Variants in COL21A1 observed in about 807,000 individuals in gnomAD.
COL21A1 encodes collagen alpha-1(XXI) chain.
Under a neutral mutation model 137.9 loss-of-function variants are expected in COL21A1, and 149 were observed. The observed-to-expected ratio is 1.08, with a 90% confidence interval of 0.95 to 1.24. COL21A1 has a LOEUF of 1.24. Among genes scored for constraint, COL21A1 ranks in the 50% most tolerant of loss-of-function variants. COL21A1 has a pLI of 0.00. For missense variants in COL21A1, 1,167 were observed against 1,158.4 expected, an observed-to-expected ratio of 1.01 and a Z score of -0.11; for synonymous variants, 456 against 391.5, an observed-to-expected ratio of 1.16 and a Z score of -1.95.
chr6:56,109,605 G>A (rs756114907), intron 16 of COL21A1, among the ~76,000 whole-genome samples: 3 of 151,872 alleles, frequency 2.0e-5, no homozygotes, highest in Non-Finnish European at 2.9e-5. Flanking sequence ...GGAAGAGTAG[G>A]AAATATTCTG....
chr6:56,351,870 A>T (rs1239505562), intron 1 of COL21A1, among the ~76,000 whole-genome samples: 1 of 152,250 alleles, frequency 6.6e-6, no homozygotes, highest in African/African-American at 2.4e-5. Flanking sequence ...ACAACATGAT[A>T]TGTTAAATGT....
At position 56,088,551 on chromosome 6, in the gene COL21A1, T is replaced by C. The variant is rs371104652; in HGVS notation, c.1813-10978A>G. Among the ~76,000 whole-genome samples, 55 of 152,290 alleles carry C rather than the reference T, an allele frequency of 3.6e-4. 1 individual carries two copies. The highest frequency in any genetic ancestry group is 2.9e-3 in the South Asian group (14 of 4,826). The stretch of plus-strand genomic sequence containing the variant: ...ACAGTTTCACAAATTTCCTTTTCTT[T>C]TTTTTACAATGGTCCTTACACTGTA... On this transcript the variant is annotated intron_variant, in intron 17 of 29. Coordinates refer to ENST00000244728, the MANE Select transcript of COL21A1 (RefSeq NM_030820.4).
chr6:56,169,078 TG>T (rs1019700335), intron 5 of COL21A1, among the ~76,000 whole-genome samples: 46 of 152,202 alleles, frequency 3.0e-4, no homozygotes, highest in African/African-American at 1.1e-3. Flanking sequence ...TTCTTTGAGT[TG>T]CAGTAACTAA....
chr6:56,089,668 A>T (rs1768606491), intron 17 of COL21A1, among the ~76,000 whole-genome samples: 1 of 152,194 alleles, frequency 6.6e-6, no homozygotes, highest in South Asian at 2.1e-4. Flanking sequence ...GTTTCCTCTC[A>T]TCCATTCTCT....
At chr6:56,067,418 A>G in intron 22 of COL21A1, 88 bp from the exon 23 acceptor site, 2 of 1,235,842 alleles carry the variant, frequency 1.6e-6, no homozygotes, top group Non-Finnish European at 2.3e-6. Flanking sequence ...CTGAAGAAAA[A>G]CAACATCTCG....
intron 1 of COL21A1, among the ~76,000 whole-genome samples, chr6:56,303,717 C>T (rs1582767538): frequency 6.6e-6 from 1 of 152,132 alleles, no homozygotes; most frequent in Non-Finnish European, 1.5e-5. Flanking sequence ...ATTGAATACC[C>T]TTTATTTCCT....
At chr6:56,205,249 C>A (rs781593216) in intron 1 of COL21A1, among the ~76,000 whole-genome samples, 1 of 152,004 alleles carries the variant, frequency 6.6e-6, no homozygotes, top group Non-Finnish European at 1.5e-5. Context: ...AAAGGTTAGA[C>A]AAATTGATAA....
At chr6:56,156,134 A>T (rs776989116) in intron 10 of COL21A1, among the ~76,000 whole-genome samples, 1 of 152,226 alleles carries the variant, frequency 6.6e-6, no homozygotes, top group Non-Finnish European at 1.5e-5. Flanking sequence ...GCTTCCACAG[A>T]TGTGCAGAGA....
At chr6:56,069,578 ATT>A (rs1766557457) in intron 21 of COL21A1, among the ~76,000 whole-genome samples, 1 of 150,386 alleles carries the variant, frequency 6.6e-6, no homozygotes, top group African/African-American at 2.4e-5. Flanking sequence ...ATAACCCAAT[ATT>A]TTTATTTTGT....
chr6:56,356,086 T>C (rs1765821561), intron 1 of COL21A1, among the ~76,000 whole-genome samples: 1 of 152,204 alleles, frequency 6.6e-6, no homozygotes, highest in East Asian at 1.9e-4. Context: ...CTGTCATTCA[T>C]TTGTAACCAA....
chr6:56,360,856 T>G (rs1312817911), intron 1 of COL21A1, among the ~76,000 whole-genome samples: 1 of 152,152 alleles, frequency 6.6e-6, no homozygotes, highest in Non-Finnish European at 1.5e-5. Context: ...TCACAGCACT[T>G]TGGGAGGCCA....
chr6:56,306,961 G>T (rs1204341447), intron 1 of COL21A1, among the ~76,000 whole-genome samples: 1 of 151,678 alleles, frequency 6.6e-6, no homozygotes, highest in Non-Finnish European at 1.5e-5. Flanking sequence ...CTTAGCTGCA[G>T]GTCTGTTGGA....
intron 16 of COL21A1, among the ~76,000 whole-genome samples, chr6:56,102,717 T>C (rs1770565229): frequency 6.6e-6 from 1 of 152,140 alleles, no homozygotes; most frequent in Non-Finnish European, 1.5e-5. Context: ...AATTCAACCA[T>C]ATCACATTAC....
chr6:56,172,700 AT>A (rs1777160934), intron 3 of COL21A1, among the ~76,000 whole-genome samples: 1 of 152,198 alleles, frequency 6.6e-6, no homozygotes, highest in African/African-American at 2.4e-5. Context: ...AGACAAAAGC[AT>A]TTTTAAAAAC....
At chr6:56,106,307 T>G (rs1770883594) in intron 16 of COL21A1, among the ~76,000 whole-genome samples, 1 of 152,198 alleles carries the variant, frequency 6.6e-6, no homozygotes, top group African/African-American at 2.4e-5. Context: ...CAGGAGTCCT[T>G]CATTCAATCT....
Position 56,220,124 on chromosome 6 carries a change from T to C in COL21A1, c.-39+27263A>G, listed in dbSNP as rs571850759. Among the ~76,000 whole-genome samples the C allele has an allele frequency of 8.5e-5, 13 of 152,156 alleles. No homozygotes were observed. In the East Asian group the frequency reaches 1.3e-3, roughly 16 times the overall value. ...AACATATTTATACATTGAATTAACA[T>C]TTATTGCCTGCTTATCAAATGGCAT... On this transcript the variant is annotated intron_variant, in intron 1 of 29. Coordinates refer to ENST00000244728, the MANE Select transcript of COL21A1 (RefSeq NM_030820.4).
At chr6:56,374,677 G>A (rs543936041) in intron 1 of COL21A1, among the ~76,000 whole-genome samples, 45 of 135,064 alleles carry the variant, frequency 3.3e-4, no homozygotes, top group African/African-American at 1.2e-3. Context: ...AGCCAAGATC[G>A]CATCACTGCA....
At chr6:56,367,194 A>G (rs985643476) in intron 1 of COL21A1, among the ~76,000 whole-genome samples, 4 of 152,234 alleles carry the variant, frequency 2.6e-5, no homozygotes, top group African/African-American at 9.6e-5. Context: ...CATATATAAT[A>G]TATGGGAAAT....
intron 1 of COL21A1, among the ~76,000 whole-genome samples, chr6:56,271,370 C>A (rs1056082630): frequency 1.3e-5 from 2 of 152,098 alleles, no homozygotes; most frequent in African/African-American, 4.8e-5. Context: ...GGGTATCTGG[C>A]AAAGAAATTT....
Sources: gnomAD v4.1 joint callset for allele counts (sites outside exome capture counted in the v4.1 genomes callset) on GRCh38, gnomAD v4.1.1 for gene constraint, MANE v1.5 for transcripts, NCBI Gene and HGNC (gene_info 2026-07-23, HGNC 2026-07-21) for gene names.